The following SNX29 variants were observed in gnomAD, a reference collection of about 807,000 sequenced individuals.
SNX29 encodes the protein sorting nexin 29.
SNX29 carries 78 observed loss-of-function variants against 102.1 expected under a neutral mutation model. The observed-to-expected ratio is 0.76, with a 90% CI of 0.64 to 0.92. The LOEUF (loss-of-function observed/expected upper bound fraction) is 0.92. SNX29 is among the 40% of genes least tolerant of loss of function. SNX29 has a pLI of 0.00. For synonymous variants in SNX29, 580 were observed against 414.5 expected (o/e 1.40, Z -4.85); for missense variants, 1,280 against 1,061.7 (o/e 1.21, Z -2.86).
At chr16:11,993,966 C>G (rs1408309114) in intron 1 of SNX29, among the ~76,000 whole-genome samples, 1 of 152,072 alleles carries the variant, frequency 6.6e-6, no homozygotes, top group Non-Finnish European at 1.5e-5. Flanking sequence ...ACTAAAAATA[C>G]AAAAATTAGC....
chr16:12,216,946 C>G (rs538825092), intron 14 of SNX29, among the ~76,000 whole-genome samples: 5 of 152,334 alleles, frequency 3.3e-5, no homozygotes, highest in Non-Finnish European at 5.9e-5. Context: ...TGTTTTCCAC[C>G]TAGGTGGCCA....
At chr16:12,443,010 A>G in intron 18 of SNX29, 1 of 456,026 alleles carries the variant, frequency 2.2e-6, no homozygotes, top group South Asian at 1.5e-5. Flanking sequence ...TAAAAATGTG[A>G]AAATCATTCT....
intron 15 of SNX29, among the ~76,000 whole-genome samples, chr16:12,285,705 C>T (rs1180716523): frequency 6.6e-6 from 1 of 152,138 alleles, no homozygotes; most frequent in Non-Finnish European, 1.5e-5. Context: ...ACTTCTCATG[C>T]GTGTCCAGGA....
At chr16:12,052,364 C>T in intron 8 of SNX29, 142 bp downstream of exon 8, 1 of 832,118 alleles carries the variant, frequency 1.2e-6, no homozygotes, top group South Asian at 1.7e-5. Flanking sequence ...TTACAGGCAC[C>T]TGTCACCACA....
intron 10 of SNX29, among the ~76,000 whole-genome samples, chr16:12,069,351 C>T (rs756118901): frequency 3.3e-5 from 5 of 150,436 alleles, no homozygotes; most frequent in African/African-American, 4.9e-5. Flanking sequence ...CTGCAAACTC[C>T]GCCTCCCGAG....
intron 20 of SNX29, 127 bp from the exon 21 acceptor site, chr16:12,568,379 G>C (rs1000992080): frequency 2.4e-6 from 3 of 1,266,042 alleles, no homozygotes; most frequent in African/African-American, 1.5e-5. Flanking sequence ...GTTAGAGGCA[G>C]ATCCAATGAG....
chr16:12,568,342 G>A (rs752313469), intron 20 of SNX29, among the ~76,000 whole-genome samples, 164 bp from the exon 21 acceptor site: 2 of 151,612 alleles, frequency 1.3e-5, no homozygotes, highest in African/African-American at 2.4e-5. Flanking sequence ...TGACAATAGG[G>A]GTTTCTCATT....
intron 19 of SNX29, among the ~76,000 whole-genome samples, chr16:12,502,063 A>T (rs1289115259): frequency 6.6e-6 from 1 of 152,200 alleles, no homozygotes; most frequent in African/African-American, 2.4e-5. Context: ...TGGTGAGAAC[A>T]TGGGACCTGC....
At chr16:12,503,465 G>T (rs1217788113) in intron 19 of SNX29, among the ~76,000 whole-genome samples, 1 of 152,172 alleles carries the variant, frequency 6.6e-6, no homozygotes, top group Non-Finnish European at 1.5e-5. Context: ...AGGATGGGCA[G>T]CCCAGGGAAG....
intron 1 of SNX29, among the ~76,000 whole-genome samples, chr16:11,996,759 CAA>C (rs1454832845): frequency 6.6e-6 from 1 of 152,208 alleles, no homozygotes; most frequent in East Asian, 1.9e-4. Context: ...GATTCTGAAA[CAA>C]AGAGCGTTTG....
At position 12,384,179 on chromosome 16, in the gene SNX29, C is replaced by T. The variant is rs140182186; in HGVS notation, c.1900-14267C>T. 1.4e-3 allele frequency among the ~76,000 whole-genome samples: 217 copies of T among 152,280 alleles called. 1 individual carries two copies. Among genetic ancestry groups the T allele is most frequent in the Non-Finnish European group, 2.4e-3 (160 of 68,026 alleles). On this transcript the variant is annotated intron_variant, in intron 16 of 20. Coordinates refer to ENST00000566228, the MANE Select transcript of SNX29 (RefSeq NM_032167.5). ...TTGTTGCAAATAGCACTGCAGTAAA[C>T]GTGGGAGTGTGGATCTCTCTTCAAT... is the stretch of plus-strand genomic sequence containing the variant.
In SNX29 at chr16:12,487,787, T is replaced by C. The variant is rs2088323149; in HGVS notation, c.2178+9928T>C. Among the ~76,000 whole-genome samples, 4 of 152,138 alleles carry C rather than the reference T, an allele frequency of 2.6e-5. No individual in the cohort carries two copies. In the South Asian group the frequency reaches 8.3e-4, roughly 32 times the overall value. Reference sequence around the variant, plus strand: ...GAGAAATTTGGGAGCGAAAAGCAGCTCTGAGTGAATGAAGCCATAAACTCA... The same window carrying C: ...GAGAAATTTGGGAGCGAAAAGCAGCCCTGAGTGAATGAAGCCATAAACTCA... On this transcript the variant is annotated intron_variant, in intron 19 of 20. Coordinates refer to ENST00000566228, the MANE Select transcript of SNX29 (RefSeq NM_032167.5).
At chr16:12,137,233 G>A (rs1408306198) in intron 13 of SNX29, among the ~76,000 whole-genome samples, 1 of 152,202 alleles carries the variant, frequency 6.6e-6, no homozygotes, top group Non-Finnish European at 1.5e-5. Flanking sequence ...CTCAGTAAGC[G>A]CTCAGTGAAT....
intron 19 of SNX29, among the ~76,000 whole-genome samples, chr16:12,478,680 G>T (rs1201543155): frequency 1.3e-5 from 2 of 152,166 alleles, no homozygotes; most frequent in Admixed American, 6.5e-5. Context: ...GCGGCATCAT[G>T]ATGTCACTCC....
chr16:12,220,418 A>G lies in SNX29; in HGVS notation c.1678+20735A>G, dbSNP rs1156611245. Among the ~76,000 whole-genome samples the G allele has an allele frequency of 8.5e-5, 13 of 152,218 alleles. No homozygotes were observed. In the East Asian group the frequency reaches 2.3e-3, roughly 27 times the overall value. On this transcript the variant is annotated intron_variant, in intron 14 of 20. Coordinates refer to ENST00000566228, the MANE Select transcript of SNX29 (RefSeq NM_032167.5). ...CATAGGACCCAGGGTGGCAGGAGGA[A>G]GAGGTGAGAGATGAACTGGAGAGAC... is the stretch of plus-strand genomic sequence containing the variant.
At chr16:12,364,212 T>TGTTAA (rs1555520056) in intron 16 of SNX29, among the ~76,000 whole-genome samples, 1,969 of 150,068 alleles carry the variant, frequency 0.013, 27 homozygotes, top group East Asian at 0.057. Flanking sequence ...TGTTATGTTA[T>TGTTAA]GTTATTTTTG....
chr16:12,167,658 A>G (rs950579678), intron 13 of SNX29, among the ~76,000 whole-genome samples: 1 of 152,106 alleles, frequency 6.6e-6, no homozygotes, highest in African/African-American at 2.4e-5. Flanking sequence ...TAATCCTCCC[A>G]ATGAGGTAGG....
At chr16:12,406,851 G>C (rs2084186117) in intron 18 of SNX29, among the ~76,000 whole-genome samples, 1 of 152,234 alleles carries the variant, frequency 6.6e-6, no homozygotes, top group Non-Finnish European at 1.5e-5. Flanking sequence ...AGAGGTTGCA[G>C]TGAGCTGAGA....
At position 12,021,705 on chromosome 16, in the gene SNX29, T is replaced by TG. The variant is rs986078199; in HGVS notation, c.123-5613dup. ...CAGTTTGAGATCAGCCTGGCCAACA[T>TG]GGTGAAACCCTGGCTCTACTAAAAA... On this transcript the variant is annotated intron_variant, in intron 3 of 20. Coordinates refer to ENST00000566228, the MANE Select transcript of SNX29 (RefSeq NM_032167.5). 9.2e-5 allele frequency among the ~76,000 whole-genome samples: 14 copies of TG among 152,092 alleles called. No homozygotes were observed. The South Asian group carries it at 2.9e-3, about 32-fold the overall frequency.
Sources: allele counts gnomAD v4.1 joint callset (sites outside exome capture counted in the v4.1 genomes callset), GRCh38; gene constraint gnomAD v4.1.1; transcripts MANE v1.5; gene names NCBI Gene and HGNC (gene_info 2026-07-23, HGNC 2026-07-21).